The following LRBA variants were observed in gnomAD, a reference collection of about 807,000 sequenced individuals.
LRBA encodes LPS responsive beige-like anchor protein.
Under a neutral mutation model 330.0 loss-of-function variants are expected in LRBA, and 176 were observed. That is an observed-to-expected ratio of 0.53 (90% CI 0.47 to 0.60). The LOEUF (loss-of-function observed/expected upper bound fraction) is 0.60. Among genes scored for constraint, LRBA ranks in the 20% least tolerant of loss-of-function variants. The pLI, the probability that LRBA is intolerant of heterozygous loss-of-function variation, is 0.00. For missense variants in LRBA, 3,259 were observed against 3,444.8 expected (o/e 0.95, Z 1.35); for synonymous variants, 1,230 against 1,193.0 (o/e 1.03, Z -0.64).
chr4:150,893,230 T>C (rs1729661775), intron 16 of LRBA, 81 bp from the exon 17 acceptor site: 2 of 709,438 alleles, frequency 2.8e-6, no homozygotes, highest in African/African-American at 1.8e-5. Flanking sequence ...GAAATAGAAA[T>C]TTCAACATTA....
chr4:150,426,307 A>G (rs1490874488), intron 46 of LRBA, among the ~76,000 whole-genome samples: 1 of 152,000 alleles, frequency 6.6e-6, no homozygotes, highest in Non-Finnish European at 1.5e-5. Context: ...CAACCCCATA[A>G]ATATTATGTG....
At chr4:150,894,434 C>A (rs1220958089) in intron 16 of LRBA, among the ~76,000 whole-genome samples, 2 of 152,144 alleles carry the variant, frequency 1.3e-5, no homozygotes, top group African/African-American at 4.8e-5. Flanking sequence ...AGAATACCAG[C>A]ACAAGAAACG....
intron 40 of LRBA, 149 bp downstream of exon 40, chr4:150,587,899 T>C: frequency 1.4e-6 from 1 of 739,596 alleles, no homozygotes. Context: ...TAGGGAATCA[T>C]AAACTAAAGA....
At chr4:150,827,242 T>C (rs1054846633) in intron 30 of LRBA, among the ~76,000 whole-genome samples, 13 of 152,232 alleles carry the variant, frequency 8.5e-5, no homozygotes, top group African/African-American at 3.1e-4. Context: ...AGACTGCTTT[T>C]AACTTCTTTT....
chr4:150,461,942 T>C (rs1178506841), intron 44 of LRBA, among the ~76,000 whole-genome samples: 1 of 151,650 alleles, frequency 6.6e-6, no homozygotes, highest in African/African-American at 2.4e-5. Flanking sequence ...AAATAATAAA[T>C]CACAGGTACA....
At chr4:150,302,475 G>A (rs1729797401) in intron 53 of LRBA, 150 bp downstream of exon 53, 1 of 420,132 alleles carries the variant, frequency 2.4e-6, no homozygotes, top group African/African-American at 2.0e-5. Flanking sequence ...AATTGATAAT[G>A]AGGCTATTTG....
At chr4:150,866,967 T>C (rs2126983809) in intron 22 of LRBA, among the ~76,000 whole-genome samples, 2 of 151,926 alleles carry the variant, frequency 1.3e-5, no homozygotes, top group Middle Eastern at 3.4e-3. Flanking sequence ...GCTAGTGGTG[T>C]TGGGGGTCAG....
chr4:150,993,726 C>T (rs1351831086), intron 2 of LRBA, among the ~76,000 whole-genome samples: 1 of 152,082 alleles, frequency 6.6e-6, no homozygotes, highest in East Asian at 1.9e-4. Context: ...CCTGATAAAA[C>T]CATCAGATCT....
At chr4:150,274,688 A>C (rs1242750746) in intron 56 of LRBA, among the ~76,000 whole-genome samples, 1 of 152,244 alleles carries the variant, frequency 6.6e-6, no homozygotes, top group Middle Eastern at 3.2e-3. Flanking sequence ...TAAACTAGAA[A>C]ATCTAGAAGA....
chr4:150,734,310 C>T (rs1273283248), intron 36 of LRBA, among the ~76,000 whole-genome samples: 1 of 151,908 alleles, frequency 6.6e-6, no homozygotes, highest in East Asian at 1.9e-4. Flanking sequence ...AATTTTCAGT[C>T]ATCATACTAT....
At chr4:150,721,333 A>G in intron 36 of LRBA, 1 of 297,102 alleles carries the variant, frequency 3.4e-6, no homozygotes, top group Non-Finnish European at 6.5e-6. Context: ...GATCAAAGAC[A>G]TTTCCAATTA....
At chr4:150,733,913 T>TA (rs1730847097) in intron 36 of LRBA, among the ~76,000 whole-genome samples, 1 of 152,130 alleles carries the variant, frequency 6.6e-6, no homozygotes, top group Non-Finnish European at 1.5e-5. Context: ...ACACAGGAAT[T>TA]AGATTTTCCT....
At chr4:150,437,033 C>A (rs1381393876) in intron 44 of LRBA, among the ~76,000 whole-genome samples, 169 bp from the exon 45 acceptor site, 1 of 151,926 alleles carries the variant, frequency 6.6e-6, no homozygotes, top group Non-Finnish European at 1.5e-5. Context: ...ATATTTTTTC[C>A]AACAAGTTAA....
At position 150,317,573 on chromosome 4, in the gene LRBA, G is replaced by A. The variant is rs992835324; in HGVS notation, c.7631-1950C>T. Among the ~76,000 whole-genome samples, 5 of 152,084 alleles carry A rather than the reference G, an allele frequency of 3.3e-5. No homozygotes were observed. The South Asian group carries it at 8.3e-4, about 25-fold the overall frequency. On this transcript the variant is annotated intron_variant, in intron 50 of 56. Coordinates refer to ENST00000651943, the MANE Select transcript of LRBA (RefSeq NM_001364905.1). ...AAAGAAATCACAGGATACTCACAAGGGAGGACCAGGAAAAATGCACTACAG... is the reference window on the plus strand; with the variant it reads ...AAAGAAATCACAGGATACTCACAAGAGAGGACCAGGAAAAATGCACTACAG...
intron 36 of LRBA, among the ~76,000 whole-genome samples, chr4:150,711,957 T>TA (rs1786260154): frequency 6.6e-6 from 1 of 152,170 alleles, no homozygotes; most frequent in South Asian, 2.1e-4. Context: ...TTTATGAAGG[T>TA]ACTCATTTAG....
At chr4:150,556,686 T>C (rs971026968) in intron 40 of LRBA, among the ~76,000 whole-genome samples, 2 of 152,232 alleles carry the variant, frequency 1.3e-5, no homozygotes, top group African/African-American at 4.8e-5. Flanking sequence ...ATTATACAAA[T>C]ACTGTGAAAA....
intron 43 of LRBA, among the ~76,000 whole-genome samples, chr4:150,471,251 C>T (rs1300561092): frequency 6.6e-6 from 1 of 152,062 alleles, no homozygotes; most frequent in East Asian, 1.9e-4. Flanking sequence ...ATCTAACATT[C>T]CAACCACCTC....
chr4:150,422,820 T>C (rs1243944787), intron 46 of LRBA: 4 of 1,467,018 alleles, frequency 2.7e-6, no homozygotes, highest in Non-Finnish European at 3.8e-6. Context: ...GCCCTGGAAC[T>C]TGCCCTGCAG....
At chr4:150,600,284 T>C (rs1016723938) in intron 37 of LRBA, among the ~76,000 whole-genome samples, 3 of 152,192 alleles carry the variant, frequency 2.0e-5, no homozygotes, top group East Asian at 1.9e-4. Flanking sequence ...ATCTTACTTA[T>C]ATTTCGGGAG....
Sources: gnomAD v4.1 joint callset for allele counts (sites outside exome capture counted in the v4.1 genomes callset) on GRCh38, gnomAD v4.1.1 for gene constraint, MANE v1.5 for transcripts, NCBI Gene and HGNC (gene_info 2026-07-23, HGNC 2026-07-21) for gene names.